Variants in DBF4B observed in about 807,000 individuals in gnomAD.
DBF4B encodes protein DBF4 homolog B.
DBF4B carries 49 observed loss-of-function variants against 53.4 expected under a neutral mutation model. The ratio of observed to expected loss-of-function variants is 0.92; its 90% confidence interval spans 0.73 to 1.16. DBF4B has a LOEUF of 1.16. Among genes scored for constraint, DBF4B ranks in the 50% most tolerant of loss-of-function variants. The pLI is 0.00. For missense variants in DBF4B, 692 were observed against 775.0 expected (o/e 0.89, Z 1.27); for synonymous variants, 257 against 288.7 (o/e 0.89, Z 1.11).
Position 44,747,064 on chromosome 17 carries a change from C to T in DBF4B, c.831-19C>T, listed in dbSNP as rs1273674333. 1.9e-6 allele frequency: 3 copies of T among 1,611,612 alleles called. No homozygotes were observed. The highest frequency in any genetic ancestry group is 1.3e-5 in the African/African-American group (1 of 74,858). On this transcript the variant is annotated intron_variant, in intron 10 of 13. Transcript: ENST00000315005. ...GGCCCCAGCAGTAACCACTTTGCCGCACTATGTACCCTCCCCAGAGAATCC... is the reference window on the plus strand; with the variant it reads ...GGCCCCAGCAGTAACCACTTTGCCGTACTATGTACCCTCCCCAGAGAATCC...
At chr17:44,746,764 A>G (rs1475828492) in intron 10 of DBF4B, among the ~76,000 whole-genome samples, 1 of 151,386 alleles carries the variant, frequency 6.6e-6, no homozygotes, top group Non-Finnish European at 1.5e-5. Context: ...GATTGCAGTG[A>G]GCCAAGATCG....
intron 8 of DBF4B, 41 bp downstream of exon 8, chr17:44,736,907 C>A (rs773252098): frequency 5.0e-5 from 81 of 1,608,310 alleles, no homozygotes; most frequent in Non-Finnish European, 6.7e-5. Context: ...GCAATCCCTC[C>A]CTCCCTAAAC....
In DBF4B at chr17:44,749,951, G is replaced by A; in HGVS notation, c.1190-644G>A. The A allele has an allele frequency of 9.9e-7, 1 of 1,012,566 alleles. No homozygotes were observed. The allele number at this position is 1,012,566 out of a possible 1,614,324, so 62.7% of individuals were successfully genotyped here. A position where few individuals can be genotyped will look rare whatever the true frequency, so the allele number is the denominator to read the frequency against. On this transcript the variant is annotated intron_variant, in intron 13 of 13. Transcript: ENST00000315005. The surrounding 1 kb of genome is among the most constrained non-coding windows in gnomAD (Gnocchi z 4.4). ...ATGAAGCAGAGGAGGGGCTTGGGCTGCACCACTCACAGAGCTCCCTCCCCC... is the reference window on the plus strand; with the variant it reads ...ATGAAGCAGAGGAGGGGCTTGGGCTACACCACTCACAGAGCTCCCTCCCCC...
intron 8 of DBF4B, among the ~76,000 whole-genome samples, 199 bp from the exon 9 acceptor site, chr17:44,738,180 C>G (rs1200123665): frequency 6.6e-6 from 1 of 152,258 alleles, no homozygotes; most frequent in Non-Finnish European, 1.5e-5. Context: ...TATCCCCCCA[C>G]TGGTGCAACC....
intron 11 of DBF4B, 63 bp from the exon 12 acceptor site, chr17:44,747,328 C>T: frequency 6.2e-7 from 1 of 1,605,742 alleles, no homozygotes; most frequent in Non-Finnish European, 8.5e-7. Flanking sequence ...GGGAGGTCAG[C>T]TTCCGTGTCC....
At chr17:44,731,448 GA>G in intron 5 of DBF4B, 1 of 203,084 alleles carries the variant, frequency 4.9e-6, no homozygotes, top group Non-Finnish European at 1.0e-5. Flanking sequence ...CATCTCTACC[GA>G]AAAATTAGCA....
Position 44,749,601 on chromosome 17 carries a change from C to T in DBF4B, c.1190-994C>T. Reference sequence around the variant, plus strand: ...GGGCTGGGGGCTGCCCTCTCCTACCCCTGCCTCCTGCCATGTTCCTGACCA... The same window carrying T: ...GGGCTGGGGGCTGCCCTCTCCTACCTCTGCCTCCTGCCATGTTCCTGACCA... On this transcript the variant is annotated intron_variant, in intron 13 of 13. Transcript: ENST00000315005. This position sits in a 1 kb window ranked among gnomAD's most constrained non-coding sequence, Gnocchi z 4.4. 1 of 1,190,260 alleles carries T rather than the reference C, an allele frequency of 8.4e-7. No homozygotes were observed. The highest frequency in any genetic ancestry group is 1.1e-6 in the Non-Finnish European group (1 of 941,842). 73.7% of individuals were successfully genotyped at this position (1,190,260 alleles called of 1,614,324 possible).
In DBF4B at chr17:44,744,083, C is replaced by CG. The variant is rs1448485493; in HGVS notation, c.830+2631_830+2632insG. On this transcript the variant is annotated intron_variant, in intron 10 of 13. Coordinates refer to ENST00000315005, the MANE Select transcript of DBF4B (RefSeq NM_145663.3). Reference sequence around the variant, plus strand: ...AGCCTGGGCAACATAATGAGACCACCCCCCCCCCCCCCCGCCCATCTCTAT... The same window carrying CG: ...AGCCTGGGCAACATAATGAGACCACCGCCCCCCCCCCCCCGCCCATCTCTAT... Among the ~76,000 whole-genome samples, 18 of 15,984 alleles carry CG rather than the reference C, an allele frequency of 1.1e-3. 1 individual carries two copies. The South Asian group carries it at 0.023, about 20-fold the overall frequency. 10.5% of individuals were successfully genotyped at this position (15,984 alleles called of 152,430 possible).
intron 8 of DBF4B, 85 bp downstream of exon 8, chr17:44,736,951 C>A: frequency 6.7e-7 from 1 of 1,500,204 alleles, no homozygotes; most frequent in Non-Finnish European, 9.2e-7. Flanking sequence ...GCAGCATCTG[C>A]TCACTTTTCT....
Position 44,741,344 on chromosome 17 carries a change from G to C in DBF4B, c.722G>C (p.Arg241Pro). ...AGTTTTCTCTGTTGCAGGAAGTTTC[G>C]TCCTTTCCATCATCAGTTTAAATCC... ...LKIEDESRKF[R>P]PFHHQFKSFP... Residue 241 changes from arginine (R) to proline (P), a missense_variant, in exon 10 of 14, where the codon CGT becomes CCT. Around this residue, in one of 3 missense-constraint regions of DBF4B, gnomAD observed 597 missense variants for 665.8 expected, o/e 0.90. Transcript: ENST00000315005. The C allele has an allele frequency of 1.2e-6, 2 of 1,612,146 alleles. No homozygotes were observed. Among genetic ancestry groups the C allele is most frequent in the Non-Finnish European group, 1.7e-6 (2 of 1,178,390 alleles).
At chr17:44,712,301 C>CTTTTTTTTTTTTT (rs1163777667) in intron 2 of DBF4B, among the ~76,000 whole-genome samples, 1 of 71,910 alleles carries the variant, frequency 1.4e-5, no homozygotes, top group Non-Finnish European at 2.4e-5. Context: ...ATTATGTCTT[C>CTTTTTTTTTTTTT]TTTTTTTTTT....
intron 2 of DBF4B, among the ~76,000 whole-genome samples, chr17:44,715,659 C>G (rs1973256285): frequency 6.6e-6 from 1 of 151,556 alleles, no homozygotes; most frequent in Non-Finnish European, 1.5e-5. Context: ...CTTACAGTGT[C>G]TTGTTGTGCT....
intron 2 of DBF4B, among the ~76,000 whole-genome samples, chr17:44,712,745 C>CTT (rs140395882): frequency 6.2e-5 from 9 of 145,872 alleles, no homozygotes; most frequent in African/African-American, 1.3e-4. Context: ...GGCCTGTCTT[C>CTT]TTTTTTTTTT....
At chr17:44,732,411 G>T (rs1974918407) in intron 6 of DBF4B, 146 bp downstream of exon 6, 4 of 880,748 alleles carry the variant, frequency 4.5e-6, no homozygotes, top group Non-Finnish European at 7.1e-6. Context: ...ACAAAGGTGG[G>T]AGGATGTGGG....
chr17:44,726,292 TTTTA>T (rs377668647), intron 3 of DBF4B, among the ~76,000 whole-genome samples: 1,495 of 132,078 alleles, frequency 0.011, 24 homozygotes, highest in African/African-American at 0.037. Context: ...CCCGGCCCTT[TTTTA>T]TTTATTTATT....
At chr17:44,728,062 G>A (rs1177153873) in intron 3 of DBF4B, among the ~76,000 whole-genome samples, 1 of 151,998 alleles carries the variant, frequency 6.6e-6, no homozygotes, top group Non-Finnish European at 1.5e-5. Flanking sequence ...GGTTGGCTGG[G>A]TGGTTTATCT....
intron 13 of DBF4B, chr17:44,750,187 C>A (rs375323023): frequency 1.9e-5 from 19 of 1,001,102 alleles, no homozygotes; most frequent in South Asian, 1.3e-4. Context: ...GACCTCCCCC[C>A]ATTTCTGGCA....
Position 44,749,323 on chromosome 17 carries a change from G to T in DBF4B, c.1189+858G>T. ...AGAGCTGCTCCTACGAGTCCCCAAG[G>T]TGCTTGGCTCTTCACAGGGCCAGGC... On this transcript the variant is annotated intron_variant, in intron 13 of 13. Transcript: ENST00000315005. This position sits in a 1 kb window ranked among gnomAD's most constrained non-coding sequence, Gnocchi z 4.4. 1.6e-6 allele frequency: 2 copies of T among 1,290,110 alleles called. No homozygotes were observed. The highest frequency in any genetic ancestry group is 2.0e-6 in the Non-Finnish European group (2 of 988,862). 79.9% of individuals were successfully genotyped at this position (1,290,110 alleles called of 1,614,324 possible). A position where few individuals can be genotyped will look rare whatever the true frequency, so the allele number is the denominator to read the frequency against.
intron 6 of DBF4B, chr17:44,732,813 C>G (rs1034157994): frequency 6.6e-6 from 1 of 151,958 alleles, no homozygotes; most frequent in Admixed American, 6.6e-5. Context: ...TTGCAGTCAG[C>G]CAAGATCATG....
Sources: gnomAD v4.1 joint callset for allele counts (sites outside exome capture counted in the v4.1 genomes callset) on GRCh38, gnomAD v4.1.1 for gene constraint, gnomAD v4.1.1 regional missense constraint, Gnocchi (gnomAD v3.1) non-coding constraint, MANE v1.5 for transcripts, NCBI Gene and HGNC (gene_info 2026-07-23, HGNC 2026-07-21) for gene names.